DMRTC2: variants seen among roughly 807,000 people sequenced by gnomAD.
The protein encoded by DMRTC2 is doublesex- and mab-3-related transcription factor C2.
In DMRTC2, 13 loss-of-function variants were observed where a neutral mutation model predicts 39.9. The ratio of observed to expected loss-of-function variants is 0.33; its 90% CI spans 0.21 to 0.52. DMRTC2 has a LOEUF of 0.52. Ranked by LOEUF, DMRTC2 falls within the 20% of genes least tolerant of loss-of-function variation. DMRTC2 has a pLI of 0.96. For synonymous variants in DMRTC2, 189 were observed against 185.2 expected (o/e 1.02, Z -0.17); for missense variants, 431 against 472.8 (o/e 0.91, Z 0.82).
rs2123218206 is a variant in DMRTC2, at chr19:41,848,645, A to G, written c.447+117A>G. ...CCAGCCCTGGTTTGCTATGTAATCT[A>G]GTCAAATCACTGCTCTTCTCTAGGC... On this transcript the variant is annotated intron_variant, in intron 4 of 8. Coordinates refer to ENST00000269945, the MANE Select transcript of DMRTC2 (RefSeq NM_001040283.3). 12 of 1,429,958 alleles carry G rather than the reference A, an allele frequency of 8.4e-6. No homozygotes were observed. The South Asian group carries it at 1.2e-4, about 14-fold the overall frequency. 88.6% of individuals were successfully genotyped at this position (1,429,958 alleles called of 1,614,324 possible). A position where few individuals can be genotyped will look rare whatever the true frequency, so the allele number is the denominator to read the frequency against.
chr19:41,845,448 G>A (rs1261291820), intron 1 of DMRTC2: 1 of 152,324 alleles, frequency 6.6e-6, no homozygotes, highest in Non-Finnish European at 1.5e-5. Context: ...AAGGTTTTTG[G>A]CCCAGATCAG....
rs1555837129 is a variant in DMRTC2 at position 41,850,508 on chromosome 19, T to A, written c.817-18T>A. The A allele has an allele frequency of 6.2e-7, 1 of 1,600,504 alleles. No individual in the cohort carries two copies. The highest frequency in any genetic ancestry group is 8.5e-7 in the Non-Finnish European group (1 of 1,173,116). ...GAAGCGGGGGTTCCCAGTCTGCTTG[T>A]CTCCCTTTCCCTTGCAGGCCTCTGG... On this transcript the variant is annotated intron_variant, in intron 7 of 8. Coordinates refer to ENST00000269945, the MANE Select transcript of DMRTC2 (RefSeq NM_001040283.3).
chr19:41,847,638 A>T lies in DMRTC2; in HGVS notation c.210A>T (p.Lys70Asn), dbSNP rs373577927. 1.2e-6 allele frequency: 2 copies of T among 1,614,040 alleles called. No individual in the cohort carries two copies. The highest frequency in any genetic ancestry group is 1.7e-6 in the Non-Finnish European group (2 of 1,180,024). ...LCLFQACECH[K>N]CVLILERRRV... is the part of the protein sequence containing the mutation. ...TCTTCCAGGCTTGCGAGTGTCACAA[A>T]TGTGTCCTCATCCTGTGAGTATGAG... Residue 70 changes from lysine (K) to asparagine (N), a missense_variant, in exon 2 of 9, where the codon AAA (lysine) becomes AAT (asparagine). Transcript: ENST00000269945.
At chr19:41,850,099 G>A in intron 6 of DMRTC2, 1 of 438,922 alleles carries the variant, frequency 2.3e-6, no homozygotes, top group Non-Finnish European at 4.0e-6. Flanking sequence ...AAAGACACTA[G>A]TGATTTCCCA....
chr19:41,851,526 G>A, intron 8 of DMRTC2, 58 bp from the exon 9 acceptor site: 2 of 1,424,342 alleles, frequency 1.4e-6, no homozygotes, highest in South Asian at 1.2e-5. Flanking sequence ...AAAAAGAGGG[G>A]GTTGCTAGAA....
chr19:41,850,878 T>G (rs2073946040), intron 8 of DMRTC2, 178 bp downstream of exon 8: 2 of 583,562 alleles, frequency 3.4e-6, no homozygotes, highest in Admixed American at 3.9e-5. Context: ...GTGAATCCTT[T>G]TTATCAGTTT....
At position 41,850,639 on chromosome 19, in the gene DMRTC2, G is replaced by T. The variant is rs1555837184; in HGVS notation, c.930G>T (p.Val310=). The part of the protein sequence containing the change: ...GLKDSSQAPR[V]TPSVPPNPAW... ...AAGATTCATCCCAGGCTCCTCGTGT[G>T]ACCCCTTCTGTGCCCCCCAACCCTG... is the stretch of plus-strand genomic sequence containing the variant. Residue 310 remains valine, a synonymous_variant, in exon 8 of 9, where the codon GTG becomes GTT. Transcript: ENST00000269945. 1.2e-6 allele frequency: 2 copies of T among 1,612,906 alleles called. No homozygotes were observed. The highest frequency in any genetic ancestry group is 4.5e-5 in the East Asian group (2 of 44,780).
At chr19:41,847,360 C>T in intron 1 of DMRTC2, 65 bp from the exon 2 acceptor site, 1 of 1,494,802 alleles carries the variant, frequency 6.7e-7, no homozygotes, top group Non-Finnish European at 8.9e-7. Context: ...GTGTGGTCTC[C>T]AGGGCAGGAG....
At chr19:41,850,958 G>A (rs1330400652) in intron 8 of DMRTC2, 4 of 418,042 alleles carry the variant, frequency 9.6e-6, no homozygotes, top group Non-Finnish European at 1.7e-5. Flanking sequence ...CTTGCCCAAG[G>A]GCATATAGTG....
In DMRTC2 at chr19:41,851,771, C is replaced by A; in HGVS notation, c.*75C>A. 1 of 1,302,792 alleles carries A rather than the reference C, an allele frequency of 7.7e-7. No homozygotes were observed. Among genetic ancestry groups the A allele is most frequent in the Non-Finnish European group, 1.1e-6 (1 of 910,596 alleles). The allele number at this position is 1,302,792 out of a possible 1,614,324, so 80.7% of individuals were successfully genotyped here. A position where few individuals can be genotyped will look rare whatever the true frequency, so the allele number is the denominator to read the frequency against. ...CTGGCACTGTATATTTAGTGTCTTA[C>A]TTAAGGATTTATGCATGGAATTTAA... On this transcript the variant is annotated 3_prime_UTR_variant, in exon 9 of 9. Coordinates refer to ENST00000269945, the MANE Select transcript of DMRTC2 (RefSeq NM_001040283.3).
At chr19:41,850,271 A>G in intron 6 of DMRTC2, 41 bp from the exon 7 acceptor site, 1 of 1,455,232 alleles carries the variant, frequency 6.9e-7, no homozygotes, top group Non-Finnish European at 9.1e-7. Flanking sequence ...ATGTCTGTTC[A>G]TCTGTTTAAC....
chr19:41,849,902 G>A (rs971147802), intron 6 of DMRTC2, among the ~76,000 whole-genome samples: 1 of 152,144 alleles, frequency 6.6e-6, no homozygotes, highest in African/African-American at 2.4e-5. Context: ...AACTGAGCGA[G>A]ACTTCGTCTC....
rs1251277141 is a variant in DMRTC2, at chr19:41,851,739, C to T, written c.*43C>T. 7.1e-6 allele frequency: 11 copies of T among 1,551,420 alleles called. No individual in the cohort carries two copies. The highest frequency in any genetic ancestry group is 2.2e-5 in the East Asian group (1 of 44,582). ...CTGTCTTGCTATGGCAGGGAGGTGA[C>T]AGCCTGCTGGCACTGTATATTTAGT... is the stretch of plus-strand genomic sequence containing the variant. On this transcript the variant is annotated 3_prime_UTR_variant, in exon 9 of 9. Transcript: ENST00000269945.
At chr19:41,847,687 C>T (rs782399912) in intron 2 of DMRTC2, 35 bp downstream of exon 2, 1 of 1,613,522 alleles carries the variant, frequency 6.2e-7, no homozygotes, top group South Asian at 1.1e-5. Flanking sequence ...GGAGGATGAG[C>T]CTCCTCCAAA....
chr19:41,850,238 C>T (rs1213841287), intron 6 of DMRTC2, 74 bp from the exon 7 acceptor site: 1 of 1,233,944 alleles, frequency 8.1e-7, no homozygotes, highest in Non-Finnish European at 1.1e-6. Context: ...ATGGCAAAAT[C>T]CTGCCCCTCT....
chr19:41,851,793 T>A lies in DMRTC2; in HGVS notation c.*97T>A. On this transcript the variant is annotated 3_prime_UTR_variant, in exon 9 of 9. Coordinates refer to ENST00000269945, the MANE Select transcript of DMRTC2 (RefSeq NM_001040283.3). The stretch of plus-strand genomic sequence containing the variant: ...TTACTTAAGGATTTATGCATGGAAT[T>A]TAATGTAGTACAAGCTTCGGGCTTT... 9.2e-7 allele frequency: 1 copy of A among 1,091,652 alleles called. No homozygotes were observed. Among genetic ancestry groups the A allele is most frequent in the South Asian group, 1.4e-5 (1 of 73,310 alleles). The allele number at this position is 1,091,652 out of a possible 1,614,324, so 67.6% of individuals were successfully genotyped here.
rs145708066 is a variant in DMRTC2 at position 41,848,856 on chromosome 19, C to A, written c.509C>A (p.Pro170Gln). 6.2e-7 allele frequency: 1 copy of A among 1,612,150 alleles called. No individual in the cohort carries two copies. Among genetic ancestry groups the A allele is most frequent in the South Asian group, 1.1e-5 (1 of 91,086 alleles). Residue 170 changes from proline to glutamine, a missense_variant, in exon 5 of 9, where the codon CCG (proline) becomes CAG (glutamine). By Grantham distance (76) the Pro-to-Gln change is moderately conservative (BLOSUM62 -1). Transcript: ENST00000269945. ...PPEASPLSWT[P>Q]VPPGPWVPGH... ...GAAGCCTCGCCCTTGTCCTGGACTC[C>A]GGTGCCTCCTGGCCCTTGGGTCCCT... is the stretch of plus-strand genomic sequence containing the variant.
Position 41,847,523 on chromosome 19 carries a change from C to T in DMRTC2, c.95C>T (p.Pro32Leu), listed in dbSNP as rs148203157. The T allele has an allele frequency of 2.5e-6, 4 of 1,614,156 alleles. No individual in the cohort carries two copies. Among genetic ancestry groups the T allele is most frequent in the East Asian group, 2.2e-5 (1 of 44,882 alleles). ...TRDPQSTELI[P>L]RRAISRSPTC... The stretch of plus-strand genomic sequence containing the variant: ...GACCCCCAGAGCACAGAGCTGATCC[C>T]CAGGAGAGCCATCAGCCGCTCTCCA... The change falls in exon 2 of 9, where the codon CCC (proline) becomes CTC (leucine). Residue 32 changes from proline to leucine, a missense_variant. Transcript: ENST00000269945.
rs1254904074 is a variant in DMRTC2, at chr19:41,847,515, G to A, written c.87G>A (p.Glu29=). 6.2e-7 allele frequency: 1 copy of A among 1,613,986 alleles called. No homozygotes were observed. The highest frequency in any genetic ancestry group is 1.3e-5 in the African/African-American group (1 of 74,928). ...WDETRDPQST[E]LIPRRAISRS... is the part of the protein sequence containing the mutation. ...AGACCAGAGACCCCCAGAGCACAGA[G>A]CTGATCCCCAGGAGAGCCATCAGCC... The change falls in exon 2 of 9, where the codon GAG becomes GAA. Residue 29 remains glutamate, a synonymous_variant. Coordinates refer to ENST00000269945, the MANE Select transcript of DMRTC2 (RefSeq NM_001040283.3).
Sources: gnomAD v4.1 joint callset for allele counts (sites outside exome capture counted in the v4.1 genomes callset) on GRCh38, gnomAD v4.1.1 for gene constraint, MANE v1.5 for transcripts, NCBI Gene and HGNC (gene_info 2026-07-23, HGNC 2026-07-21) for gene names.